Variants in VWC2L observed in about 807,000 individuals in gnomAD.
The protein encoded by VWC2L is von Willebrand factor C domain-containing protein 2-like.
In VWC2L, 10 loss-of-function variants were observed where a neutral mutation model predicts 21.6. That is an observed-to-expected ratio of 0.46 (90% CI 0.29 to 0.78). VWC2L has a LOEUF of 0.78. Among genes scored for constraint, VWC2L ranks in the 30% least tolerant of loss-of-function variants. The probability of loss-of-function intolerance (pLI) is 0.10; values close to 1 mark genes in which losing one functional copy is unlikely to be tolerated. For synonymous variants in VWC2L, 96 were observed against 94.3 expected (o/e 1.02, Z -0.10); for missense variants, 209 against 277.1 (o/e 0.75, Z 1.74).
chr2:214,535,622 G>A (rs574447968), intron 3 of VWC2L, among the ~76,000 whole-genome samples: 118 of 152,170 alleles, frequency 7.8e-4, no homozygotes, highest in African/African-American at 2.7e-3. Flanking sequence ...ATAAACAAAA[G>A]GGTGATCCTT....
intron 3 of VWC2L, among the ~76,000 whole-genome samples, chr2:214,471,141 G>A (rs954460744): frequency 6.6e-6 from 1 of 151,990 alleles, no homozygotes; most frequent in African/African-American, 2.4e-5. Context: ...CTAGCATGAG[G>A]AACATGACAC....
intron 3 of VWC2L, among the ~76,000 whole-genome samples, chr2:214,442,864 A>G (rs1702783144): frequency 6.6e-6 from 1 of 152,186 alleles, no homozygotes; most frequent in Non-Finnish European, 1.5e-5. Flanking sequence ...ACCATTACAA[A>G]ATCCTTGATC....
intron 3 of VWC2L, among the ~76,000 whole-genome samples, chr2:214,535,650 C>A (rs1689515199): frequency 6.6e-6 from 1 of 152,054 alleles, no homozygotes; most frequent in African/African-American, 2.4e-5. Flanking sequence ...CGTAAGTCAT[C>A]CCAATTTCAA....
intron 3 of VWC2L, among the ~76,000 whole-genome samples, chr2:214,565,459 T>A (rs1218878512): frequency 1.3e-5 from 2 of 152,164 alleles, no homozygotes; most frequent in Non-Finnish European, 2.9e-5. Flanking sequence ...AACAGACTAA[T>A]ATACCTCCCC....
intron 3 of VWC2L, among the ~76,000 whole-genome samples, chr2:214,528,837 C>A (rs188103709): frequency 6.6e-6 from 1 of 152,322 alleles, no homozygotes; most frequent in Admixed American, 6.5e-5. Flanking sequence ...TCTCTCTAAT[C>A]ATTTCTAATC....
chr2:214,522,667 TTATAA>T (rs1452554505), intron 3 of VWC2L, among the ~76,000 whole-genome samples: 18 of 152,160 alleles, frequency 1.2e-4, no homozygotes, highest in Admixed American at 7.2e-4. Flanking sequence ...AAAGGAGTCA[TTATAA>T]TATGTCTTTT....
At chr2:214,502,295 G>A (rs1688904481) in intron 3 of VWC2L, among the ~76,000 whole-genome samples, 1 of 152,176 alleles carries the variant, frequency 6.6e-6, no homozygotes, top group African/African-American at 2.4e-5. Flanking sequence ...CGATTGGCAG[G>A]GCACGGTGGC....
At chr2:214,545,223 T>C (rs911065033) in intron 3 of VWC2L, among the ~76,000 whole-genome samples, 1 of 152,258 alleles carries the variant, frequency 6.6e-6, no homozygotes, top group Admixed American at 6.5e-5. Context: ...ATATTTAAAA[T>C]AGAAAAAAAT....
chr2:214,449,861 C>T lies in VWC2L; in HGVS notation c.520+13103C>T, dbSNP rs899519708. ...GTCAGGGTGGATAACTAGCCAGCCC[C>T]GAGTCTTTCCTTCCTTTTACCCATT... is the stretch of plus-strand genomic sequence containing the variant. On this transcript the variant is annotated intron_variant, in intron 3 of 3. Transcript: ENST00000312504. Among the ~76,000 whole-genome samples, 8 of 152,158 alleles carry T rather than the reference C, an allele frequency of 5.3e-5. No homozygotes were observed. In the East Asian group the frequency reaches 9.6e-4, roughly 18 times the overall value.
intron 3 of VWC2L, among the ~76,000 whole-genome samples, chr2:214,546,047 G>A (rs745391212): frequency 4.6e-5 from 7 of 152,106 alleles, no homozygotes; most frequent in Non-Finnish European, 1.0e-4. Context: ...ATTTGATTTG[G>A]TATCACATGC....
At chr2:214,452,737 C>G (rs1436765126) in intron 3 of VWC2L, among the ~76,000 whole-genome samples, 2 of 152,122 alleles carry the variant, frequency 1.3e-5, no homozygotes, top group African/African-American at 4.8e-5. Flanking sequence ...CACCTCCTCA[C>G]CAATGCTTGG....
Position 214,411,415 on chromosome 2 carries a change from GA to G in VWC2L, c.-451del, listed in dbSNP as rs1559281972. 2 of 152,218 alleles carry G rather than the reference GA, an allele frequency of 1.3e-5. No individual in the cohort carries two copies. The highest frequency in any genetic ancestry group is 3.8e-4 in the East Asian group (2 of 5,200). 9.4% of individuals were successfully genotyped at this position (152,218 alleles called of 1,614,324 possible). Reference sequence around the variant, plus strand: ...CACTGTGTAAGTGAACTCATGTGTGGAGGAGGCGTAATCAGCCGGGAAATTT... The same window carrying G: ...CACTGTGTAAGTGAACTCATGTGTGGGGAGGCGTAATCAGCCGGGAAATTT... On this transcript the variant is annotated 5_prime_UTR_variant, in exon 1 of 4. The change creates a premature stop within an existing upstream ORF in the 5' untranslated region. Transcript: ENST00000312504.
chr2:214,478,071 C>G (rs4233995), intron 3 of VWC2L, among the ~76,000 whole-genome samples: 133,050 of 152,160 alleles, frequency 0.87, 60,852 homozygotes, highest in Non-Finnish European at 1. Flanking sequence ...ATGTCTCATC[C>G]AAGGTATTAA....
intron 3 of VWC2L, among the ~76,000 whole-genome samples, chr2:214,500,250 G>A (rs889638470): frequency 2.3e-4 from 35 of 152,132 alleles, no homozygotes; most frequent in African/African-American, 6.5e-4. Flanking sequence ...TGATAAAACC[G>A]TGAGTTAGAA....
chr2:214,453,443 G>C (rs561141033), intron 3 of VWC2L, among the ~76,000 whole-genome samples: 1 of 152,184 alleles, frequency 6.6e-6, no homozygotes, highest in African/African-American at 2.4e-5. Flanking sequence ...TTGTTTAGCT[G>C]TTCTAGGTTC....
At chr2:214,538,135 T>C (rs978703542) in intron 3 of VWC2L, among the ~76,000 whole-genome samples, 3 of 152,090 alleles carry the variant, frequency 2.0e-5, no homozygotes, top group Non-Finnish European at 4.4e-5. Context: ...TGTATCCTAG[T>C]GTCGGCATGA....
At chr2:214,455,333 T>G (rs1703040042) in intron 3 of VWC2L, among the ~76,000 whole-genome samples, 1 of 152,254 alleles carries the variant, frequency 6.6e-6, no homozygotes, top group Non-Finnish European at 1.5e-5. Flanking sequence ...CTGCTGGATT[T>G]ATGGTCATAA....
chr2:214,535,535 CA>C lies in VWC2L; in HGVS notation c.521-40136del, dbSNP rs1689512308. Among the ~76,000 whole-genome samples the C allele has an allele frequency of 3.3e-5, 5 of 151,738 alleles. No individual in the cohort carries two copies. In the South Asian group the frequency reaches 1.0e-3, roughly 32 times the overall value. ...AAAGACCAGGTTTATTACATTCAAACAGAATTAGCAGCCACTTCAAATACTA... is the reference window on the plus strand; with the variant it reads ...AAAGACCAGGTTTATTACATTCAAACGAATTAGCAGCCACTTCAAATACTA... On this transcript the variant is annotated intron_variant, in intron 3 of 3. Coordinates refer to ENST00000312504, the MANE Select transcript of VWC2L (RefSeq NM_001080500.4).
At chr2:214,447,655 C>G (rs6720451) in intron 3 of VWC2L, among the ~76,000 whole-genome samples, 7,659 of 152,118 alleles carry the variant, frequency 0.05, 597 homozygotes, top group African/African-American at 0.17. Context: ...AATGTAAATG[C>G]CTTCAAAAGA....
Sources: allele counts gnomAD v4.1 joint callset (sites outside exome capture counted in the v4.1 genomes callset), GRCh38; gene constraint gnomAD v4.1.1; transcripts MANE v1.5; gene names NCBI Gene and HGNC (gene_info 2026-07-23, HGNC 2026-07-21).